CYRIA: variants seen among roughly 807,000 people sequenced by gnomAD.
The protein encoded by CYRIA is CYFIP related Rac1 interactor A.
Under a neutral mutation model 43.9 loss-of-function variants are expected in CYRIA, and 15 were observed. The observed-to-expected ratio is 0.34, with a 90% confidence interval of 0.23 to 0.53. The LOEUF (loss-of-function observed/expected upper bound fraction) is 0.53. Ranked by LOEUF, CYRIA falls within the 20% of genes least tolerant of loss-of-function variation. The pLI, the probability that CYRIA is intolerant of heterozygous loss-of-function variation, is 0.94. For synonymous variants in CYRIA, 117 were observed against 136.0 expected (o/e 0.86, Z 0.97); for missense variants, 236 against 394.2 (o/e 0.60, Z 3.40).
chr2:16,552,245 C>T lies in CYRIA; in HGVS notation c.*691G>A, dbSNP rs1666339147. On this transcript the variant is annotated 3_prime_UTR_variant, in exon 12 of 12. Transcript: ENST00000381323. ...TTCCAAGACAGCCACCTTCATCAGT[C>T]CAGTGGCAACAGCACATCTATCTAT... The T allele has an allele frequency of 6.6e-6, 1 of 152,064 alleles. No individual in the cohort carries two copies. The highest frequency in any genetic ancestry group is 2.4e-5 in the African/African-American group (1 of 41,404). The allele number at this position is 152,064 out of a possible 1,614,324, so 9.4% of individuals were successfully genotyped here.
chr2:16,586,705 A>G (rs1667740437), intron 3 of CYRIA, among the ~76,000 whole-genome samples: 1 of 151,888 alleles, frequency 6.6e-6, no homozygotes, highest in Admixed American at 6.6e-5. Context: ...GCACCTTAGA[A>G]GGGTATTATA....
chr2:16,638,781 G>T (rs1199514935), intron 1 of CYRIA, among the ~76,000 whole-genome samples: 1 of 152,054 alleles, frequency 6.6e-6, no homozygotes, highest in East Asian at 1.9e-4. Flanking sequence ...TGTGAGTGTG[G>T]AGTGTTGTGT....
intron 1 of CYRIA, among the ~76,000 whole-genome samples, chr2:16,632,509 G>A (rs771163924): frequency 1.4e-4 from 22 of 152,196 alleles, no homozygotes; most frequent in Non-Finnish European, 2.8e-4. Context: ...ATGATATATC[G>A]CTCATACTAT....
intron 1 of CYRIA, among the ~76,000 whole-genome samples, chr2:16,649,419 G>A (rs1387507094): frequency 6.6e-6 from 1 of 151,966 alleles, no homozygotes; most frequent in Non-Finnish European, 1.5e-5. Context: ...TATAGTACAG[G>A]GCATGGTTAT....
At chr2:16,581,315 T>C (rs1262687259) in intron 3 of CYRIA, among the ~76,000 whole-genome samples, 1 of 152,124 alleles carries the variant, frequency 6.6e-6, no homozygotes, top group Non-Finnish European at 1.5e-5. Flanking sequence ...CTTAAATAGA[T>C]AAGCAACTAT....
In CYRIA at chr2:16,564,155, C is replaced by A. The variant is rs187227867; in HGVS notation, c.193-61G>T. On this transcript the variant is annotated intron_variant, in intron 4 of 11. Transcript: ENST00000381323. ...AAGTGGTAAGCTCCACATCAAAATG[C>A]CCTAAGATTTAGTTTAAAATACAAT... The A allele has an allele frequency of 1.4e-5, 18 of 1,320,886 alleles. No homozygotes were observed. The Admixed American group carries it at 3.1e-4, about 23-fold the overall frequency. 81.8% of individuals were successfully genotyped at this position (1,320,886 alleles called of 1,614,324 possible).
chr2:16,587,920 G>A (rs1667791386), intron 3 of CYRIA, 130 bp downstream of exon 3: 2 of 565,846 alleles, frequency 3.5e-6, no homozygotes, highest in Admixed American at 3.4e-5. Context: ...TTAGCAGCAT[G>A]AGAACAGACT....
intron 2 of CYRIA, among the ~76,000 whole-genome samples, chr2:16,622,370 T>TA (rs2103508664): frequency 6.6e-6 from 1 of 152,308 alleles, no homozygotes; most frequent in Admixed American, 6.5e-5. Context: ...AGCTCTGAAA[T>TA]AAAAAGGCTG....
intron 6 of CYRIA, 87 bp from the exon 7 acceptor site, chr2:16,561,620 T>A (rs1348812759): frequency 2.0e-6 from 2 of 1,014,710 alleles, no homozygotes; most frequent in Non-Finnish European, 3.1e-6. Context: ...CTAGATTTTA[T>A]AAATACTCCA....
chr2:16,645,358 T>C (rs1475359205), intron 1 of CYRIA, among the ~76,000 whole-genome samples: 1 of 152,242 alleles, frequency 6.6e-6, no homozygotes, highest in Non-Finnish European at 1.5e-5. Context: ...TGGAACTAGG[T>C]ACCTCCCCTC....
At chr2:16,576,005 G>C (rs1427830795) in intron 3 of CYRIA, among the ~76,000 whole-genome samples, 1 of 152,098 alleles carries the variant, frequency 6.6e-6, no homozygotes, top group Non-Finnish European at 1.5e-5. Context: ...TAATTGTGAG[G>C]CCTCCCTAGC....
At chr2:16,610,794 C>T (rs2103490009) in intron 2 of CYRIA, among the ~76,000 whole-genome samples, 1 of 151,340 alleles carries the variant, frequency 6.6e-6, no homozygotes, top group Middle Eastern at 3.4e-3. Context: ...ACCCACATTT[C>T]ACTTCCCATT....
intron 10 of CYRIA, among the ~76,000 whole-genome samples, chr2:16,556,045 GT>G (rs1229316908): frequency 2.0e-5 from 3 of 152,078 alleles, no homozygotes; most frequent in Non-Finnish European, 4.4e-5. Flanking sequence ...ATCCTGGAGT[GT>G]TTTTTGGCAA....
At chr2:16,591,896 ACACT>A (rs1158411081) in intron 2 of CYRIA, among the ~76,000 whole-genome samples, 5 of 152,094 alleles carry the variant, frequency 3.3e-5, no homozygotes, top group African/African-American at 7.2e-5. Flanking sequence ...GTACATGCAC[ACACT>A]CACACACACA....
intron 3 of CYRIA, among the ~76,000 whole-genome samples, chr2:16,586,259 C>T (rs1667725763): frequency 6.6e-6 from 1 of 152,010 alleles, no homozygotes; most frequent in African/African-American, 2.4e-5. Flanking sequence ...ATGTAAAATG[C>T]ATCTGATAAG....
intron 1 of CYRIA, among the ~76,000 whole-genome samples, chr2:16,626,900 C>T (rs941357385): frequency 1.3e-5 from 2 of 152,218 alleles, no homozygotes; most frequent in African/African-American, 4.8e-5. Context: ...CACCTGGCAG[C>T]CAGTGAAATG....
chr2:16,661,197 C>G (rs1012269902), intron 1 of CYRIA, among the ~76,000 whole-genome samples: 1 of 152,106 alleles, frequency 6.6e-6, no homozygotes, highest in Non-Finnish European at 1.5e-5. Context: ...ATTACTTGAG[C>G]TGAGGAGGTT....
At chr2:16,577,988 C>T (rs768753069) in intron 3 of CYRIA, among the ~76,000 whole-genome samples, 2 of 152,170 alleles carry the variant, frequency 1.3e-5, no homozygotes, top group Non-Finnish European at 2.9e-5. Context: ...AGAAAGCCAC[C>T]AGCCACTCTC....
intron 1 of CYRIA, among the ~76,000 whole-genome samples, chr2:16,652,133 C>T (rs904110482): frequency 6.6e-6 from 1 of 152,282 alleles, no homozygotes; most frequent in East Asian, 1.9e-4. Context: ...CTTTGACACC[C>T]ACACATACTT....
Sources: gnomAD v4.1 joint callset for allele counts (sites outside exome capture counted in the v4.1 genomes callset) on GRCh38, gnomAD v4.1.1 for gene constraint, MANE v1.5 for transcripts, NCBI Gene and HGNC (gene_info 2026-07-23, HGNC 2026-07-21) for gene names.